PHKB: variants seen among roughly 807,000 people sequenced by gnomAD.
The protein encoded by PHKB is phosphorylase kinase regulatory subunit beta.
A neutral mutation model predicts 152.1 loss-of-function variants in PHKB; 122 were observed. The ratio of observed to expected loss-of-function variants is 0.80; its 90% CI spans 0.69 to 0.93. The LOEUF is 0.93. Among genes scored for constraint, PHKB ranks in the 40% least tolerant of loss-of-function variants. The pLI is 0.00. For missense variants in PHKB, 1,304 were observed against 1,328.4 expected (o/e 0.98, Z 0.29); for synonymous variants, 436 against 464.9 (o/e 0.94, Z 0.80).
Position 47,641,052 on chromosome 16 carries a change from C to G in PHKB, c.1476C>G (p.Asp492Glu). The G allele has an allele frequency of 1.2e-6, 2 of 1,613,830 alleles. No homozygotes were observed. The change falls in exon 15 of 31, where the codon GAC becomes GAG. Residue 492 changes from aspartate to glutamate, a missense_variant. By Grantham distance (45) the Asp-to-Glu change is conservative. Transcript: ENST00000323584. ...RFSNQGPLEN[D>E]LVVHVALIAE... ...CATTACAGGGCCCACTGGAAAATGA[C>G]TTGGTAGTTCATGTGGCACTTATAG...
At chr16:47,565,909 GTTT>G in intron 7 of PHKB, 1 of 1,114,524 alleles carries the variant, frequency 9.0e-7, no homozygotes, top group East Asian at 2.4e-5. Flanking sequence ...TTTAGATTCA[GTTT>G]GGGTCTTTGT....
intron 6 of PHKB, among the ~76,000 whole-genome samples, chr16:47,518,881 G>A (rs922951526): frequency 2.0e-5 from 3 of 152,044 alleles, no homozygotes; most frequent in Admixed American, 6.6e-5. Context: ...TCCATGTCTC[G>A]TTTCATGACA....
chr16:47,467,191 A>G (rs1048398375), intron 1 of PHKB, among the ~76,000 whole-genome samples: 3 of 152,218 alleles, frequency 2.0e-5, no homozygotes, highest in Admixed American at 6.5e-5. Context: ...AATGACTTAT[A>G]TACAACAAAT....
chr16:47,571,767 T>G lies in PHKB; in HGVS notation c.711-8528T>G, dbSNP rs368924257. Reference sequence around the variant, plus strand: ...TACCGGGGCTCCTCCACTGCTAGAGTAGAACCTTAGTCTTTCCCCACGGAG... The same window carrying G: ...TACCGGGGCTCCTCCACTGCTAGAGGAGAACCTTAGTCTTTCCCCACGGAG... On this transcript the variant is annotated intron_variant, in intron 7 of 30. Transcript: ENST00000323584. Among the ~76,000 whole-genome samples the G allele has an allele frequency of 3.3e-5, 5 of 152,076 alleles. No individual in the cohort carries two copies. In the South Asian group the frequency reaches 1.0e-3, roughly 32 times the overall value.
At chr16:47,603,136 T>G (rs1183663776) in intron 13 of PHKB, among the ~76,000 whole-genome samples, 1 of 152,190 alleles carries the variant, frequency 6.6e-6, no homozygotes, top group African/African-American at 2.4e-5. Flanking sequence ...TGTCCCCTAG[T>G]GTATGTATAT....
intron 28 of PHKB, among the ~76,000 whole-genome samples, chr16:47,696,050 T>C (rs1974141485): frequency 6.6e-6 from 1 of 152,240 alleles, no homozygotes. Context: ...ACTTCTCGTG[T>C]AAATTCTGAA....
At chr16:47,519,830 A>G (rs1970656952) in intron 6 of PHKB, among the ~76,000 whole-genome samples, 3 of 152,054 alleles carry the variant, frequency 2.0e-5, no homozygotes, top group Middle Eastern at 3.2e-3. Flanking sequence ...CGTTAGAGAG[A>G]TTTTTTAAGG....
chr16:47,550,039 C>T (rs975688900), intron 7 of PHKB, among the ~76,000 whole-genome samples: 1 of 152,088 alleles, frequency 6.6e-6, no homozygotes. Context: ...TTCTACTTGT[C>T]CATGGTATAA....
rs1437853249 is a variant in PHKB, at chr16:47,648,970, C to T, written c.1693-130C>T. On this transcript the variant is annotated intron_variant, in intron 17 of 30. Transcript: ENST00000323584. ...AAATTTTTAAATATTATCTGGATGT[C>T]GCAAGCTATTAATTTATGTGCTTAT... 13 of 680,134 alleles carry T rather than the reference C, an allele frequency of 1.9e-5. No homozygotes were observed. In the Admixed American group the frequency reaches 2.2e-4, roughly 12 times the overall value. 42.1% of individuals were successfully genotyped at this position (680,134 alleles called of 1,614,324 possible).
chr16:47,654,475 T>C (rs2151733687), intron 20 of PHKB, among the ~76,000 whole-genome samples: 1 of 152,236 alleles, frequency 6.6e-6, no homozygotes, highest in East Asian at 1.9e-4. Context: ...GGATTATAAA[T>C]CATGCTACTA....
Position 47,489,390 on chromosome 16 carries a change from C to T in PHKB, c.77-8009C>T, listed in dbSNP as rs982246849. Among the ~76,000 whole-genome samples the T allele has an allele frequency of 4.6e-5, 7 of 152,278 alleles. No individual in the cohort carries two copies. In the South Asian group the frequency reaches 1.4e-3, roughly 32 times the overall value. Reference sequence around the variant, plus strand: ...TACTCATTTTTGCTAAAAAACAAAACGAAACAAATCATGATAGGACTGAGT... The same window carrying T: ...TACTCATTTTTGCTAAAAAACAAAATGAAACAAATCATGATAGGACTGAGT... On this transcript the variant is annotated intron_variant, in intron 1 of 30. Coordinates refer to ENST00000323584, the MANE Select transcript of PHKB (RefSeq NM_000293.3).
chr16:47,547,500 G>A lies in PHKB; in HGVS notation c.662G>A (p.Trp221Ter). The part of the protein sequence containing the change: ...RVYRVPDFGV[W>*]ERGSKYNNGS... ...TACCGTGTGCCTGACTTTGGTGTCT[G>A]GGAAAGAGGAAGCAAATATAATAAT... Residue 221 changes from tryptophan to a stop codon, truncating the protein, a stop_gained, in exon 7 of 31, where the codon TGG (tryptophan) becomes TAG (stop). Transcript: ENST00000323584. LOFTEE classifies it high-confidence loss of function. The A allele has an allele frequency of 6.2e-7, 1 of 1,612,918 alleles. No homozygotes were observed. Among genetic ancestry groups the A allele is most frequent in the Non-Finnish European group, 8.5e-7 (1 of 1,179,084 alleles).
At chr16:47,689,324 A>G in intron 27 of PHKB, 149 bp downstream of exon 27, 1 of 740,024 alleles carries the variant, frequency 1.4e-6, no homozygotes, top group Non-Finnish European at 2.4e-6. Flanking sequence ...GGAAAGTGTA[A>G]ACAGAAAGAC....
At chr16:47,551,520 G>GCA (rs1235100620) in intron 7 of PHKB, among the ~76,000 whole-genome samples, 2 of 152,122 alleles carry the variant, frequency 1.3e-5, no homozygotes, top group African/African-American at 4.8e-5. Flanking sequence ...GTAGTTTTGT[G>GCA]GTTTTGAGTG....
chr16:47,660,473 A>G lies in PHKB; in HGVS notation c.1972-33A>G, dbSNP rs1226729775. Reference sequence around the variant, plus strand: ...CATTAGAGTATGGCTTGATGTATCTAAGAGTTTCTAATCTTTTTCGATCAC... The same window carrying G: ...CATTAGAGTATGGCTTGATGTATCTGAGAGTTTCTAATCTTTTTCGATCAC... On this transcript the variant is annotated intron_variant, in intron 20 of 30. Coordinates refer to ENST00000323584, the MANE Select transcript of PHKB (RefSeq NM_000293.3). 4 of 1,567,602 alleles carry G rather than the reference A, an allele frequency of 2.6e-6. No homozygotes were observed. The South Asian group carries it at 4.4e-5, about 17-fold the overall frequency.
intron 5 of PHKB, among the ~76,000 whole-genome samples, chr16:47,513,718 A>G (rs145083099): frequency 6.6e-6 from 1 of 152,328 alleles, no homozygotes; most frequent in East Asian, 1.9e-4. Context: ...GAAATAATCT[A>G]TGTTAGAATT....
At chr16:47,692,875 A>C (rs1259063597) in intron 27 of PHKB, among the ~76,000 whole-genome samples, 1 of 152,190 alleles carries the variant, frequency 6.6e-6, no homozygotes, top group East Asian at 1.9e-4. Context: ...GTTTAAAATA[A>C]GGTAATTTTA....
intron 20 of PHKB, among the ~76,000 whole-genome samples, chr16:47,652,101 AT>A (rs1173958638): frequency 6.7e-6 from 1 of 149,614 alleles, no homozygotes; most frequent in Non-Finnish European, 1.5e-5. Context: ...TCAGTCTTTC[AT>A]GTTGGAGGCA....
Position 47,536,853 on chromosome 16 carries a change from C to T in PHKB, c.595-10580C>T, listed in dbSNP as rs1379420645. ...CAAAAATTAAGAGCCGTGGTCTTGG[C>T]TCTAAGTATAGTGAGAGTTAGGAGA... On this transcript the variant is annotated intron_variant, in intron 6 of 30. Coordinates refer to ENST00000323584, the MANE Select transcript of PHKB (RefSeq NM_000293.3). Among the ~76,000 whole-genome samples, 5 of 152,156 alleles carry T rather than the reference C, an allele frequency of 3.3e-5. No individual in the cohort carries two copies. In the East Asian group the frequency reaches 7.7e-4, roughly 23 times the overall value.
Sources: allele counts gnomAD v4.1 joint callset (sites outside exome capture counted in the v4.1 genomes callset), GRCh38; gene constraint gnomAD v4.1.1; transcripts MANE v1.5; gene names NCBI Gene and HGNC (gene_info 2026-07-23, HGNC 2026-07-21).